The following U2SURP variants were observed in gnomAD, a reference collection of about 807,000 sequenced individuals.
The protein encoded by U2SURP is U2 snRNP associated SURP domain containing, also known as U2 snRNP-associated SURP motif-containing protein.
Under a neutral mutation model 144.9 loss-of-function variants are expected in U2SURP, and 9 were observed. The ratio of observed to expected loss-of-function variants is 0.06; its 90% confidence interval spans 0.04 to 0.11. The LOEUF is 0.11. Among genes scored for constraint, U2SURP ranks in the 10% least tolerant of loss-of-function variants. U2SURP has a pLI of 1.00. For synonymous variants in U2SURP, 408 were observed against 396.8 expected (o/e 1.03, Z -0.33); for missense variants, 724 against 1,226.7 (o/e 0.59, Z 6.12).
At chr3:143,053,377 A>G (rs1188727130) in intron 25 of U2SURP, among the ~76,000 whole-genome samples, 1 of 152,142 alleles carries the variant, frequency 6.6e-6, no homozygotes, top group Non-Finnish European at 1.5e-5. Context: ...TAATTTTCTT[A>G]GGGATGCTTT....
At chr3:143,048,993 T>G (rs9816317) in intron 24 of U2SURP, among the ~76,000 whole-genome samples, 102,431 of 151,400 alleles carry the variant, frequency 0.68, 34,800 homozygotes, top group African/African-American at 0.75. Flanking sequence ...GGCGGCTCAT[T>G]CCTGTAATCC....
intron 23 of U2SURP, among the ~76,000 whole-genome samples, chr3:143,040,966 G>A (rs1357080353): frequency 6.6e-6 from 1 of 151,650 alleles, no homozygotes; most frequent in Non-Finnish European, 1.5e-5. Context: ...TTGGTATTAT[G>A]CCATTTTAAT....
intron 18 of U2SURP, 31 bp from the exon 19 acceptor site, chr3:143,034,852 CATTTT>C (rs752071532): frequency 2.4e-5 from 33 of 1,364,836 alleles, no homozygotes; most frequent in Middle Eastern, 1.8e-4. Context: ...GAATTTTAAA[CATTTT>C]ATTTTAAAGA....
chr3:143,031,925 TAA>T (rs988017350), intron 16 of U2SURP, among the ~76,000 whole-genome samples: 2 of 152,228 alleles, frequency 1.3e-5, no homozygotes, highest in African/African-American at 4.8e-5. Context: ...GCTCATAGGC[TAA>T]ATATGGCTGC....
intron 10 of U2SURP, among the ~76,000 whole-genome samples, chr3:143,021,881 C>T (rs554885645): frequency 6.6e-6 from 1 of 152,220 alleles, no homozygotes; most frequent in East Asian, 1.9e-4. Context: ...CCTTTTTCTT[C>T]TCATAGTAGT....
chr3:143,051,117 GTA>G (rs1367145921), intron 25 of U2SURP, 68 bp downstream of exon 25: 63 of 916,126 alleles, frequency 6.9e-5, no homozygotes, highest in Non-Finnish European at 9.2e-5. Context: ...TAGAATACTG[GTA>G]TACCTAAAGA....
intron 1 of U2SURP, among the ~76,000 whole-genome samples, chr3:143,008,533 G>A (rs1560174635): frequency 6.6e-6 from 1 of 152,184 alleles, no homozygotes; most frequent in East Asian, 1.9e-4. Context: ...AGAAATTTAG[G>A]TGTCATTGAC....
chr3:143,035,958 G>T, intron 19 of U2SURP, 24 bp from the exon 20 acceptor site: 1 of 1,570,956 alleles, frequency 6.4e-7, no homozygotes, highest in South Asian at 1.2e-5. Flanking sequence ...ATAAAAGTTT[G>T]TTGTCTGTTT....
chr3:143,011,721 C>T (rs760318462), intron 2 of U2SURP, among the ~76,000 whole-genome samples: 5 of 151,972 alleles, frequency 3.3e-5, no homozygotes, highest in Non-Finnish European at 7.4e-5. Flanking sequence ...TATTTTACTA[C>T]TTCATCAAGC....
chr3:143,036,578 C>G (rs982929655), intron 20 of U2SURP, among the ~76,000 whole-genome samples: 5 of 152,024 alleles, frequency 3.3e-5, no homozygotes, highest in African/African-American at 1.2e-4. Context: ...ATTATGTTTT[C>G]ACTTTCACTC....
At chr3:143,021,300 G>C (rs532081964) in intron 8 of U2SURP, 50 bp from the exon 9 acceptor site, 1 of 1,546,302 alleles carries the variant, frequency 6.5e-7, no homozygotes, top group East Asian at 2.4e-5. Context: ...GGTAAGGGGG[G>C]ACTACTGTAT....
chr3:143,027,043 T>G, intron 13 of U2SURP, 106 bp from the exon 14 acceptor site: 1 of 857,044 alleles, frequency 1.2e-6, no homozygotes, highest in East Asian at 2.5e-5. Context: ...TCGGTGTTAG[T>G]CAGCAGAATA....
At chr3:143,002,737 C>T (rs899284873) in intron 1 of U2SURP, among the ~76,000 whole-genome samples, 13 of 152,190 alleles carry the variant, frequency 8.5e-5, no homozygotes, top group Non-Finnish European at 1.6e-4. Flanking sequence ...TTTCTACTTG[C>T]TTTCTCTAAT....
intron 26 of U2SURP, 124 bp from the exon 27 acceptor site, chr3:143,054,819 A>G: frequency 1.0e-6 from 1 of 995,218 alleles, no homozygotes; most frequent in Non-Finnish European, 1.4e-6. Flanking sequence ...TATTGTTAAA[A>G]GTAACATTAC....
At chr3:143,054,812 T>C (rs1935060698) in intron 26 of U2SURP, 131 bp from the exon 27 acceptor site, 1 of 916,636 alleles carries the variant, frequency 1.1e-6, no homozygotes, top group African/African-American at 1.7e-5. Flanking sequence ...CTTTGAGTAT[T>C]GTTAAAAGTA....
In U2SURP at chr3:143,058,290, TC is replaced by T. The variant is rs1422799765; in HGVS notation, c.*1842del. 1 of 151,900 alleles carries T rather than the reference TC, an allele frequency of 6.6e-6. No homozygotes were observed. The allele number at this position is 151,900 out of a possible 1,614,324, so 9.4% of individuals were successfully genotyped here. ...AAATAATTGGTCAGGTAATAATCTT[TC>T]CAGTCAAGTTGCAAGGGATGCTTAT... On this transcript the variant is annotated 3_prime_UTR_variant, in exon 28 of 28. Transcript: ENST00000473835.
intron 24 of U2SURP, among the ~76,000 whole-genome samples, chr3:143,048,195 T>G (rs1034080579): frequency 1.3e-5 from 2 of 152,172 alleles, no homozygotes; most frequent in Non-Finnish European, 2.9e-5. Flanking sequence ...ATGGGCCACT[T>G]CCTTTTGTGT....
chr3:143,036,835 A>C (rs971755275), intron 20 of U2SURP: 2 of 205,688 alleles, frequency 9.7e-6, no homozygotes, highest in South Asian at 1.2e-4. Context: ...TACCATAGTT[A>C]CAGATAAGTA....
intron 22 of U2SURP, among the ~76,000 whole-genome samples, chr3:143,038,508 A>C (rs1258322561): frequency 6.6e-6 from 1 of 152,078 alleles, no homozygotes; most frequent in Non-Finnish European, 1.5e-5. Context: ...CATAGAGGTC[A>C]GTTTCATAGA....
Sources: gnomAD v4.1 joint callset for allele counts (sites outside exome capture counted in the v4.1 genomes callset) on GRCh38, gnomAD v4.1.1 for gene constraint, MANE v1.5 for transcripts, NCBI Gene and HGNC (gene_info 2026-07-23, HGNC 2026-07-21) for gene names.